The following C12orf42 variants were observed in gnomAD, a reference collection of about 807,000 sequenced individuals.
C12orf42 encodes the protein chromosome 12 open reading frame 42.
In C12orf42, 25 loss-of-function variants were observed where a neutral mutation model predicts 21.6. The ratio of observed to expected loss-of-function variants is 1.16; its 90% CI spans 0.84 to 1.62. The LOEUF (loss-of-function observed/expected upper bound fraction) is 1.62. Ranked by LOEUF, C12orf42 falls within the 40% of genes most tolerant of loss-of-function variation. C12orf42 has a pLI of 0.00. For synonymous variants in C12orf42, 174 were observed against 175.0 expected, an observed-to-expected ratio of 0.99 and a Z score of 0.05; for missense variants, 483 against 459.3, an observed-to-expected ratio of 1.05 and a Z score of -0.47.
At chr12:103,139,693 T>G in the C12orf42 span, among the ~76,000 whole-genome samples, 1 of 152,310 alleles carries the variant, frequency 6.6e-6, no homozygotes, top group African/African-American at 2.4e-5. Flanking sequence ...ACGCTGGAGA[T>G]GGCACTGGGT....
Position 103,478,583 on chromosome 12 carries a change from A to ATTT in C12orf42, c.-21-139_-21-137dup, listed in dbSNP as rs3065865. On this transcript the variant is annotated intron_variant, in intron 1 of 5. Coordinates refer to ENST00000548883, the MANE Select transcript of C12orf42 (RefSeq NM_198521.5). ...TATTTCTTGCCAGTGACTTTCAATA[A>ATTT]TTTTTTTTTTTTTTTTTTTTGGGGG... The ATTT allele has an allele frequency of 2.8e-3, 790 of 279,976 alleles. 3 individuals carry two copies. Among genetic ancestry groups the ATTT allele is most frequent in the East Asian group, 7.5e-3 (97 of 12,986 alleles). 17.3% of individuals were successfully genotyped at this position (279,976 alleles called of 1,614,324 possible).
intron 4 of C12orf42, among the ~76,000 whole-genome samples, chr12:103,319,444 A>T (rs896963756): frequency 6.6e-6 from 1 of 152,222 alleles, no homozygotes; most frequent in Non-Finnish European, 1.5e-5. Flanking sequence ...AGATCTACAT[A>T]GATATTATTT....
intron 3 of C12orf42, among the ~76,000 whole-genome samples, chr12:103,384,709 C>T (rs942322252): frequency 2.0e-5 from 3 of 152,320 alleles, no homozygotes; most frequent in Non-Finnish European, 4.4e-5. Flanking sequence ...CAAGGAATTA[C>T]ACAGTTATCC....
At chr12:103,139,170 A>G in the C12orf42 span, among the ~76,000 whole-genome samples, 1 of 152,088 alleles carries the variant, frequency 6.6e-6, no homozygotes, top group African/African-American at 2.4e-5. Context: ...CCCTTTATCC[A>G]CTGCATGACC....
the C12orf42 span, among the ~76,000 whole-genome samples, chr12:103,102,997 A>G: frequency 6.6e-6 from 1 of 152,070 alleles, no homozygotes; most frequent in South Asian, 2.1e-4. Context: ...CTCCATACAC[A>G]TGAGAGTTTA....
chr12:103,300,645 T>C (rs1380050225), downstream of C12orf42, among the ~76,000 whole-genome samples: 7 of 152,188 alleles, frequency 4.6e-5, no homozygotes, highest in African/African-American at 1.7e-4. Flanking sequence ...AGTAATGATG[T>C]CTTAAACTAA....
chr12:103,140,789 G>C, the C12orf42 span, among the ~76,000 whole-genome samples: 4 of 152,054 alleles, frequency 2.6e-5, no homozygotes, highest in African/African-American at 4.8e-5. Context: ...CAAACCCCAT[G>C]TTGAATTGCA....
At chr12:103,457,990 C>T (rs1483820410) in intron 2 of C12orf42, among the ~76,000 whole-genome samples, 2 of 152,170 alleles carry the variant, frequency 1.3e-5, no homozygotes, top group African/African-American at 4.8e-5. Flanking sequence ...GTTGCCTGTC[C>T]TCCAACTGCA....
At chr12:103,194,506 C>T in the C12orf42 span, among the ~76,000 whole-genome samples, 1 of 151,990 alleles carries the variant, frequency 6.6e-6, no homozygotes, top group Non-Finnish European at 1.5e-5. Flanking sequence ...AAATTAGTTG[C>T]CTTTCCATAC....
At chr12:103,469,774 G>A (rs79110102) in intron 2 of C12orf42, among the ~76,000 whole-genome samples, 2,393 of 152,254 alleles carry the variant, frequency 0.016, 69 homozygotes, top group African/African-American at 0.055. Flanking sequence ...AAGCCACATC[G>A]ATTAGACAGT....
At chr12:103,379,218 A>T (rs2045956933) in intron 3 of C12orf42, among the ~76,000 whole-genome samples, 2 of 152,198 alleles carry the variant, frequency 1.3e-5, no homozygotes, top group Admixed American at 1.3e-4. Flanking sequence ...TATCCACCCC[A>T]ATGGGAACAG....
chr12:103,132,570 C>T, the C12orf42 span, among the ~76,000 whole-genome samples: 18 of 152,286 alleles, frequency 1.2e-4, no homozygotes, highest in Middle Eastern at 3.4e-3. Context: ...ATATTGAGAT[C>T]CCCACTCCCA....
chr12:103,302,137 T>C lies in C12orf42; in HGVS notation c.1054A>G (p.Arg352Gly), dbSNP rs2037710852. The C allele has an allele frequency of 1.2e-6, 2 of 1,612,500 alleles. No individual in the cohort carries two copies. The highest frequency in any genetic ancestry group is 1.7e-6 in the Non-Finnish European group (2 of 1,179,324). Residue 352 changes from arginine (R) to glycine (G), a missense_variant, in exon 6 of 6, where the codon AGG becomes GGG. Transcript: ENST00000548883. Reference sequence around the variant, plus strand: ...TGTAAGTGAGCATTCACCACCGGCCTAGAAAGGGCCTGTGAACAAACCGTA... The same window carrying C: ...TGTAAGTGAGCATTCACCACCGGCCCAGAAAGGGCCTGTGAACAAACCGTA... ...FHTVCSQALS[R>G]PVVNAHLH
At chr12:103,417,616 A>G (rs1002765223) in intron 2 of C12orf42, among the ~76,000 whole-genome samples, 31 of 152,152 alleles carry the variant, frequency 2.0e-4, no homozygotes, top group Admixed American at 2.0e-3. Context: ...CCAGGTCCCA[A>G]TCTTAATTAC....
At chr12:103,357,755 A>G (rs2043719895) in intron 4 of C12orf42, among the ~76,000 whole-genome samples, 1 of 152,106 alleles carries the variant, frequency 6.6e-6, no homozygotes, top group Admixed American at 6.6e-5. Context: ...TTGCTGTAGC[A>G]TTCATTTACA....
the C12orf42 span, among the ~76,000 whole-genome samples, chr12:103,171,639 G>T: frequency 6.8e-3 from 1,031 of 152,154 alleles, 11 homozygotes; most frequent in African/African-American, 0.024. Context: ...TGTTAGAGAA[G>T]GAAATTAAAG....
chr12:103,363,797 A>G (rs2044334841), intron 4 of C12orf42, among the ~76,000 whole-genome samples: 1 of 152,136 alleles, frequency 6.6e-6, no homozygotes, highest in East Asian at 1.9e-4. Flanking sequence ...AAAATATCAC[A>G]ATCCTAAATA....
intron 4 of C12orf42, among the ~76,000 whole-genome samples, chr12:103,285,174 A>T (rs2036367137): frequency 1.3e-5 from 2 of 152,256 alleles, no homozygotes; most frequent in South Asian, 4.1e-4. Flanking sequence ...GAAGATACTT[A>T]GTTGTATAAG....
chr12:103,219,596 C>T, the C12orf42 span, among the ~76,000 whole-genome samples: 1 of 152,078 alleles, frequency 6.6e-6, no homozygotes, highest in Non-Finnish European at 1.5e-5. Context: ...AAAAAGTGGG[C>T]AAAGGATATG....
Sources: gnomAD v4.1 joint callset for allele counts (sites outside exome capture counted in the v4.1 genomes callset) on GRCh38, gnomAD v4.1.1 for gene constraint, MANE v1.5 for transcripts, NCBI Gene and HGNC (gene_info 2026-07-23, HGNC 2026-07-21) for gene names.